The following CCDC171 variants were observed in gnomAD, a reference collection of about 807,000 sequenced individuals.
CCDC171 encodes coiled-coil domain containing 171, also known as coiled-coil domain-containing protein 171.
A neutral mutation model predicts 168.2 loss-of-function variants in CCDC171; 177 were observed. That is an observed-to-expected ratio of 1.05 (90% CI 0.93 to 1.19). The LOEUF is 1.19. Ranked by LOEUF, CCDC171 falls within the 50% of genes most tolerant of loss-of-function variation. The pLI, the probability that CCDC171 is intolerant of heterozygous loss-of-function variation, is 0.00. For synonymous variants in CCDC171, 687 were observed against 540.8 expected (o/e 1.27, Z -3.75); for missense variants, 1,991 against 1,539.0 (o/e 1.29, Z -4.91).
At chr9:15,900,272 G>A (rs1821442978) in intron 24 of CCDC171, among the ~76,000 whole-genome samples, 1 of 152,172 alleles carries the variant, frequency 6.6e-6, no homozygotes, top group Non-Finnish European at 1.5e-5. Context: ...TCTTCTGAGG[G>A]ACTGGAGGAA....
At chr9:15,936,570 A>G (rs966936336) in intron 25 of CCDC171, among the ~76,000 whole-genome samples, 1 of 151,972 alleles carries the variant, frequency 6.6e-6, no homozygotes, top group Non-Finnish European at 1.5e-5. Flanking sequence ...AGGCATGAAC[A>G]CTTGGGCCTG....
At chr9:15,924,392 G>A (rs1290094067) in intron 25 of CCDC171, among the ~76,000 whole-genome samples, 3 of 150,410 alleles carry the variant, frequency 2.0e-5, no homozygotes, top group South Asian at 2.1e-4. Flanking sequence ...ATGTTGGGCA[G>A]TCTAGTGAGA....
chr9:15,997,604 C>A (rs1358273495), intron 3 of CCDC171, among the ~76,000 whole-genome samples: 2 of 152,002 alleles, frequency 1.3e-5, no homozygotes, highest in Non-Finnish European at 2.9e-5. Context: ...AAACTACAGC[C>A]CCTGTTGCTG....
At chr9:15,566,694 A>T (rs771227651) in intron 2 of CCDC171, among the ~76,000 whole-genome samples, 1 of 152,200 alleles carries the variant, frequency 6.6e-6, no homozygotes, top group Non-Finnish European at 1.5e-5. Context: ...CCAGTTTATC[A>T]GTTCTTTTCC....
the CCDC171 span, among the ~76,000 whole-genome samples, chr9:16,099,982 G>A: frequency 6.6e-6 from 1 of 150,440 alleles, no homozygotes. Context: ...AACCAACGCT[G>A]TATGGAGATA....
chr9:15,796,450 G>A lies in CCDC171; in HGVS notation c.3267+11756G>A, dbSNP rs116451840. On this transcript the variant is annotated intron_variant, in intron 21 of 25. Transcript: ENST00000380701. ...GACAAAAGTAAGTCTTTAAAGTTAT[G>A]GGAGAAAAAGGATTACTTACAGAAG... Among the ~76,000 whole-genome samples the A allele has an allele frequency of 8.2e-3, 1,252 of 152,206 alleles. 19 individuals carry two copies. Among genetic ancestry groups the A allele is most frequent in the African/African-American group, 0.029 (1,192 of 41,518 alleles).
intron 7 of CCDC171, among the ~76,000 whole-genome samples, chr9:15,654,993 G>A (rs2047813852): frequency 6.6e-6 from 1 of 152,134 alleles, no homozygotes; most frequent in African/African-American, 2.4e-5. Context: ...GAGAACACAT[G>A]GACACAGGAA....
intron 24 of CCDC171, among the ~76,000 whole-genome samples, chr9:15,888,417 C>G (rs943901536): frequency 1.3e-5 from 2 of 152,106 alleles, no homozygotes; most frequent in Non-Finnish European, 2.9e-5. Flanking sequence ...TAAATTCATG[C>G]CATACACTAC....
At chr9:15,627,031 T>C (rs749625146) in intron 7 of CCDC171, among the ~76,000 whole-genome samples, 1 of 152,248 alleles carries the variant, frequency 6.6e-6, no homozygotes, top group Non-Finnish European at 1.5e-5. Flanking sequence ...AACTTCTTCC[T>C]GGTTTAGTCT....
chr9:15,867,652 A>C (rs1424459687), intron 23 of CCDC171, among the ~76,000 whole-genome samples: 1 of 152,114 alleles, frequency 6.6e-6, no homozygotes, highest in African/African-American at 2.4e-5. Flanking sequence ...CTCCAGCTCA[A>C]GAGGGATTTT....
chr9:16,104,760 T>G, the CCDC171 span, among the ~76,000 whole-genome samples: 1 of 151,182 alleles, frequency 6.6e-6, no homozygotes, highest in South Asian at 2.1e-4. Flanking sequence ...TCAAAAAACA[T>G]TCATTGAACA....
intron 11 of CCDC171, among the ~76,000 whole-genome samples, chr9:15,709,596 G>T (rs767856253): frequency 3.3e-5 from 5 of 152,118 alleles, no homozygotes. Context: ...ATTGTAGCAT[G>T]CCAGATGAGA....
intron 18 of CCDC171, among the ~76,000 whole-genome samples, chr9:15,773,560 G>A (rs1217866565): frequency 6.6e-6 from 1 of 152,138 alleles, no homozygotes; most frequent in Non-Finnish European, 1.5e-5. Flanking sequence ...ATTAACAAAT[G>A]TATTTAACAT....
chr9:15,950,355 T>C (rs1828987434), intron 25 of CCDC171, among the ~76,000 whole-genome samples: 1 of 151,718 alleles, frequency 6.6e-6, no homozygotes, highest in Non-Finnish European at 1.5e-5. Flanking sequence ...AAGGAAAAAA[T>C]GTTAAGGGCA....
the CCDC171 span, among the ~76,000 whole-genome samples, chr9:16,106,933 G>A: frequency 1.3e-5 from 2 of 152,092 alleles, no homozygotes; most frequent in African/African-American, 2.4e-5. Context: ...CTGCCCTCCT[G>A]CAAAACCGGG....
chr9:15,558,357 C>T (rs1035930609), intron 1 of CCDC171, among the ~76,000 whole-genome samples: 1 of 152,070 alleles, frequency 6.6e-6, no homozygotes, highest in South Asian at 2.1e-4. Flanking sequence ...GCAGTGAATC[C>T]GTCTGGTCCT....
intron 6 of CCDC171, among the ~76,000 whole-genome samples, chr9:15,620,140 C>T (rs1293796152): frequency 6.6e-6 from 1 of 152,238 alleles, no homozygotes; most frequent in Non-Finnish European, 1.5e-5. Flanking sequence ...GCTAACACAA[C>T]ATCCATTCTG....
chr9:16,041,984 G>A (rs4741559), upstream of CCDC171, among the ~76,000 whole-genome samples: 61,941 of 152,062 alleles, frequency 0.41, 14,126 homozygotes, highest in East Asian at 0.73. Flanking sequence ...CCCAAAGCCC[G>A]CTTTCTGAGT....
chr9:15,793,044 T>A (rs1211728487), intron 21 of CCDC171, among the ~76,000 whole-genome samples: 1 of 151,804 alleles, frequency 6.6e-6, no homozygotes, highest in African/African-American at 2.4e-5. Context: ...GGATAAAGAG[T>A]GAAGACCCAT....
Sources: allele counts gnomAD v4.1 joint callset (sites outside exome capture counted in the v4.1 genomes callset), GRCh38; gene constraint gnomAD v4.1.1; transcripts MANE v1.5; gene names NCBI Gene and HGNC (gene_info 2026-07-23, HGNC 2026-07-21).